ANKMY1: variants seen among roughly 807,000 people sequenced by gnomAD.
The protein encoded by ANKMY1 is ankyrin repeat and MYND domain-containing protein 1.
Under a neutral mutation model 102.0 loss-of-function variants are expected in ANKMY1, and 98 were observed. The ratio of observed to expected loss-of-function variants is 0.96; its 90% CI spans 0.82 to 1.14. The LOEUF (loss-of-function observed/expected upper bound fraction) is 1.14. Ranked by LOEUF, ANKMY1 falls within the 50% of genes most tolerant of loss-of-function variation. The pLI is 0.00. For synonymous variants in ANKMY1, 582 were observed against 559.9 expected, an observed-to-expected ratio of 1.04 and a Z score of -0.56; for missense variants, 1,330 against 1,347.6, an observed-to-expected ratio of 0.99 and a Z score of 0.20.
chr2:240,530,082 C>T (rs2084957713), intron 4 of ANKMY1, among the ~76,000 whole-genome samples: 1 of 152,178 alleles, frequency 6.6e-6, no homozygotes, highest in Non-Finnish European at 1.5e-5. Flanking sequence ...TCCTTGCTTC[C>T]AGGAACCCAG....
At chr2:240,523,815 G>A in intron 8 of ANKMY1, 70 bp downstream of exon 8, 2 of 1,554,626 alleles carry the variant, frequency 1.3e-6, no homozygotes, top group Middle Eastern at 2.1e-4. Context: ...GAAGAGACGT[G>A]GGTCTGCTGA....
rs1349861659 is a variant in ANKMY1 at position 240,479,566 on chromosome 2, C to G, written c.*43G>C. 10 of 1,608,088 alleles carry G rather than the reference C, an allele frequency of 6.2e-6. No homozygotes were observed. The highest frequency in any genetic ancestry group is 8.5e-6 in the Non-Finnish European group (10 of 1,175,480). ...GGCTCAGGCAGGTAAGAAACCCACA[C>G]AGTCCTGGGTCCTCCCCAAGCCTCG... On this transcript the variant is annotated 3_prime_UTR_variant, in exon 18 of 18. Transcript: ENST00000401804.
chr2:240,507,938 AG>A, intron 12 of ANKMY1: 1 of 384,674 alleles, frequency 2.6e-6, no homozygotes, highest in Middle Eastern at 6.9e-4. Context: ...AACTCCACCC[AG>A]GTGGGCCAGT....
At chr2:240,553,756 G>A (rs111833693) in intron 3 of ANKMY1, 8,960 of 152,306 alleles carry the variant, frequency 0.059, 375 homozygotes, top group Middle Eastern at 0.2. Flanking sequence ...TTAGCTGGGC[G>A]TGGTGGTGCA....
chr2:240,507,661 C>T lies in ANKMY1; in HGVS notation c.2425G>A (p.Asp809Asn). 2 of 1,610,514 alleles carry T rather than the reference C, an allele frequency of 1.2e-6. No individual in the cohort carries two copies. The highest frequency in any genetic ancestry group is 8.5e-7 in the Non-Finnish European group (1 of 1,178,202). The change falls in exon 13 of 18, where the codon GAC becomes AAC. Residue 809 changes from aspartate (D) to asparagine (N), a missense_variant. Asp to Asn is a conservative substitution (Grantham distance 23, BLOSUM62 1). Transcript: ENST00000401804. The stretch of plus-strand genomic sequence containing the variant: ...CCTTTGGTCAGGGGCAGGTTGGGGT[C>T]AGCTCCCTGGGTCAGGAGCTCCTTC... Reference protein sequence around the residue: ...VVKELLTQGADPNLPLTKGLG... With the variant: ...VVKELLTQGANPNLPLTKGLG...
chr2:240,481,357 G>A (rs1444655056), intron 16 of ANKMY1, among the ~76,000 whole-genome samples: 2 of 152,258 alleles, frequency 1.3e-5, no homozygotes, highest in East Asian at 3.8e-4. Flanking sequence ...ACCAGTAGGG[G>A]CTGGTTCAGT....
chr2:240,531,306 A>G (rs2085333326), intron 4 of ANKMY1, among the ~76,000 whole-genome samples: 1 of 152,254 alleles, frequency 6.6e-6, no homozygotes, highest in Non-Finnish European at 1.5e-5. Context: ...AAAACGGCAC[A>G]GTCGCTTTGA....
chr2:240,499,537 G>A lies in ANKMY1; in HGVS notation c.2806+421C>T, dbSNP rs1275446036. Among the ~76,000 whole-genome samples, 2 of 151,986 alleles carry A rather than the reference G, an allele frequency of 1.3e-5. No individual in the cohort carries two copies. The highest frequency in any genetic ancestry group is 2.9e-5 in the Non-Finnish European group (2 of 67,956). On this transcript the variant is annotated intron_variant, in intron 15 of 17. Transcript: ENST00000401804. The surrounding 1 kb of genome is among the most constrained non-coding windows in gnomAD (Gnocchi z 4.2). ...TTTGTGGAGTGGGTGCATGTGGGGAGCTGGGGACATGTAGGGGTGTGCAGG... is the reference window on the plus strand; with the variant it reads ...TTTGTGGAGTGGGTGCATGTGGGGAACTGGGGACATGTAGGGGTGTGCAGG...
chr2:240,548,206 A>G (rs1283123340), intron 4 of ANKMY1, among the ~76,000 whole-genome samples: 3 of 152,240 alleles, frequency 2.0e-5, no homozygotes, highest in African/African-American at 7.2e-5. Context: ...AGGGTGGTTC[A>G]ATATACGCAA....
intron 3 of ANKMY1, 84 bp downstream of exon 3, chr2:240,554,782 T>C: frequency 6.6e-7 from 1 of 1,504,468 alleles, no homozygotes; most frequent in Non-Finnish European, 9.1e-7. Flanking sequence ...GCCTAAAAGT[T>C]CCCGTCCCAT....
Position 240,557,236 on chromosome 2 carries a change from C to T in ANKMY1, c.100G>A (p.Ala34Thr), listed in dbSNP as rs753945594. ...LEGKGGETPA[A>T]EEPGSLKNYA... ...TTCTTCAGGGACCCCGGCTCCTCGG[C>T]AGCAGGGGTCTCGCCGCCCTTCCCC... The change falls in exon 2 of 18, where the codon GCC (alanine) becomes ACC (threonine). Residue 34 changes from alanine to threonine, a missense_variant. Coordinates refer to ENST00000401804, the MANE Select transcript of ANKMY1 (RefSeq NM_001282771.3). 1.3e-6 allele frequency: 2 copies of T among 1,593,144 alleles called. No homozygotes were observed. Among genetic ancestry groups the T allele is most frequent in the Non-Finnish European group, 1.7e-6 (2 of 1,169,042 alleles).
At chr2:240,524,445 T>C in intron 7 of ANKMY1, 64 bp from the exon 8 acceptor site, 1 of 1,521,688 alleles carries the variant, frequency 6.6e-7, no homozygotes, top group Non-Finnish European at 8.8e-7. Context: ...TTCTAGGACC[T>C]TCTTCAGCAA....
intron 9 of ANKMY1, among the ~76,000 whole-genome samples, chr2:240,517,238 TAG>T: frequency 6.6e-6 from 1 of 152,378 alleles, no homozygotes; most frequent in Non-Finnish European, 1.5e-5. Flanking sequence ...ATTGACTTTA[TAG>T]AGTCAATGAG....
intron 16 of ANKMY1, 22 bp downstream of exon 16, chr2:240,482,161 C>G: frequency 6.2e-7 from 1 of 1,610,586 alleles, no homozygotes. Context: ...CTGGAAAGAA[C>G]CCAGCCTGCA....
At chr2:240,544,654 C>CCA in intron 4 of ANKMY1, among the ~76,000 whole-genome samples, 4 of 152,184 alleles carry the variant, frequency 2.6e-5, no homozygotes, top group African/African-American at 9.7e-5. Context: ...GGTGCGCGCA[C>CCA]TGTGCGCAAG....
intron 15 of ANKMY1, among the ~76,000 whole-genome samples, chr2:240,491,176 T>C (rs2076612746): frequency 6.6e-6 from 1 of 151,976 alleles, no homozygotes; most frequent in Non-Finnish European, 1.5e-5. Context: ...TCACTATTGG[T>C]TTCTGTTTGC....
At position 240,512,803 on chromosome 2, in the gene ANKMY1, T is replaced by C. The variant is rs1177577656; in HGVS notation, c.2144A>G (p.Lys715Arg). 1 of 1,613,630 alleles carries C rather than the reference T, an allele frequency of 6.2e-7. No homozygotes were observed. Among genetic ancestry groups the C allele is most frequent in the East Asian group, 2.2e-5 (1 of 44,842 alleles). ...SDEDDTYKPG[K>R]LDLLPSSLKL... ...CTATCCAGGTCGCGAGGTACACACC[T>C]TGCCGGGCTTGTAAGTGTCGTCCTC... The change falls in exon 10 of 18, where the codon AAG becomes AGG. Residue 715 changes from lysine to arginine, a missense_variant and splice_region_variant. Physicochemically the swap from Lys to Arg is conservative, Grantham distance 26. Coordinates refer to ENST00000401804, the MANE Select transcript of ANKMY1 (RefSeq NM_001282771.3).
rs1485348057 is a variant in ANKMY1 at position 240,500,521 on chromosome 2, T to C, written c.2571A>G (p.Val857=). ...ISHGADILKP[V]MLRQGEKEAV... ...CCTCCTTTTCTCCCTGCCTGAGCAT[T>C]ACAGGCTTCAGGATGTCGGCCCCGT... Residue 857 remains valine (V), a synonymous_variant, in exon 14 of 18, where the codon GTA becomes GTG. Transcript: ENST00000401804. 6.2e-7 allele frequency: 1 copy of C among 1,613,994 alleles called. No homozygotes were observed. The highest frequency in any genetic ancestry group is 8.5e-7 in the Non-Finnish European group (1 of 1,180,008).
At chr2:240,480,870 C>T (rs2075297918) in intron 17 of ANKMY1, 67 bp downstream of exon 17, 3 of 1,556,722 alleles carry the variant, frequency 1.9e-6, no homozygotes, top group Non-Finnish European at 2.6e-6. Flanking sequence ...TCACCAGCAC[C>T]CCAGGCCTGC....
Sources: allele counts gnomAD v4.1 joint callset (sites outside exome capture counted in the v4.1 genomes callset), GRCh38; gene constraint gnomAD v4.1.1; non-coding constraint Gnocchi (gnomAD v3.1); transcripts MANE v1.5; gene names NCBI Gene and HGNC (gene_info 2026-07-23, HGNC 2026-07-21).